The following PPM1G variants were observed in gnomAD, a reference collection of about 807,000 sequenced individuals.
PPM1G encodes protein phosphatase, Mg2+/Mn2+ dependent 1G.
Under a neutral mutation model 59.4 loss-of-function variants are expected in PPM1G, and 12 were observed. The ratio of observed to expected loss-of-function variants is 0.20; its 90% CI spans 0.13 to 0.33. The LOEUF (loss-of-function observed/expected upper bound fraction) is 0.33, where lower values mean the gene tolerates loss of function less well. PPM1G is among the 10% of genes least tolerant of loss of function. The pLI is 1.00. For missense variants in PPM1G, 392 were observed against 681.3 expected (o/e 0.58, Z 4.73); for synonymous variants, 245 against 251.9 (o/e 0.97, Z 0.26).
At chr2:27,392,850 G>A (rs760267219) in intron 1 of PPM1G, 18 of 1,474,430 alleles carry the variant, frequency 1.2e-5, no homozygotes, top group East Asian at 9.0e-5. Context: ...CGCCAGATTC[G>A]GGCGCTCCCA....
chr2:27,381,552 C>G lies in PPM1G; in HGVS notation c.*47G>C. On this transcript the variant is annotated 3_prime_UTR_variant, in exon 10 of 10. Transcript: ENST00000344034. ...AAAAGACAAAACTCAGTCTCAGGTC[C>G]GGAGGGCTCAGAAAACAGTCTAGGT... 1 of 1,607,346 alleles carries G rather than the reference C, an allele frequency of 6.2e-7. No homozygotes were observed. Among genetic ancestry groups the G allele is most frequent in the Non-Finnish European group, 8.5e-7 (1 of 1,174,036 alleles).
intron 1 of PPM1G, among the ~76,000 whole-genome samples, chr2:27,392,548 G>T (rs894258319): frequency 7.6e-6 from 1 of 132,052 alleles, no homozygotes; most frequent in East Asian, 2.3e-4. Flanking sequence ...TCCCGCCTCA[G>T]CCTCCCAAAG....
intron 1 of PPM1G, among the ~76,000 whole-genome samples, chr2:27,391,043 G>GATGGCT (rs1322750281): frequency 6.6e-6 from 1 of 152,242 alleles, no homozygotes; most frequent in Admixed American, 6.5e-5. Flanking sequence ...AGTATTCCAT[G>GATGGCT]ATGGCTATGT....
intron 1 of PPM1G, among the ~76,000 whole-genome samples, chr2:27,389,291 A>G (rs944906931): frequency 2.6e-5 from 4 of 152,178 alleles, no homozygotes. Context: ...CTGCTCTGAA[A>G]TTTAGCACCC....
chr2:27,381,477 G>T lies in PPM1G; in HGVS notation c.*122C>A. Reference sequence around the variant, plus strand: ...CCCTCTTTGGAATGGGCGGAGTGAAGCCACCCAGCTCCCCCTGCACACCTC... The same window carrying T: ...CCCTCTTTGGAATGGGCGGAGTGAATCCACCCAGCTCCCCCTGCACACCTC... On this transcript the variant is annotated 3_prime_UTR_variant, in exon 10 of 10. Coordinates refer to ENST00000344034, the MANE Select transcript of PPM1G (RefSeq NM_177983.3). 2 of 1,146,616 alleles carry T rather than the reference G, an allele frequency of 1.7e-6. No individual in the cohort carries two copies. The highest frequency in any genetic ancestry group is 2.6e-6 in the Non-Finnish European group (2 of 783,628). The allele number at this position is 1,146,616 out of a possible 1,614,324, so 71.0% of individuals were successfully genotyped here. A position where few individuals can be genotyped will look rare whatever the true frequency, so the allele number is the denominator to read the frequency against.
In PPM1G at chr2:27,385,114, C is replaced by T. The variant is rs759147805; in HGVS notation, c.410-26G>A. 2 of 1,549,736 alleles carry T rather than the reference C, an allele frequency of 1.3e-6. No homozygotes were observed. Among genetic ancestry groups the T allele is most frequent in the Non-Finnish European group, 1.7e-6 (2 of 1,151,890 alleles). ...CTGCAGGGAAGAGGCTAAATCAGAGCCCCCATGCCAGACTCCTCATGGGAT... is the reference window on the plus strand; with the variant it reads ...CTGCAGGGAAGAGGCTAAATCAGAGTCCCCATGCCAGACTCCTCATGGGAT... On this transcript the variant is annotated intron_variant, in intron 4 of 9. Transcript: ENST00000344034. The surrounding 1 kb of genome is among the most constrained non-coding windows in gnomAD (Gnocchi z 4.1).
In PPM1G at chr2:27,384,643, C is replaced by T; in HGVS notation, c.825+30G>A. On this transcript the variant is annotated intron_variant, in intron 5 of 9. Coordinates refer to ENST00000344034, the MANE Select transcript of PPM1G (RefSeq NM_177983.3). This position sits in a 1 kb window ranked among gnomAD's most constrained non-coding sequence, Gnocchi z 4.8. ...ACCAAACAGGACCTCTCTGCAACTT[C>T]AGCATCTGCCTGCCCTCACAGGCCC... is the stretch of plus-strand genomic sequence containing the variant. The T allele has an allele frequency of 6.4e-7, 1 of 1,566,436 alleles. No homozygotes were observed.
In PPM1G at chr2:27,392,277, G is replaced by GTTTGT. The variant is rs1270712039; in HGVS notation, c.121-5124_121-5120dup. Among the ~76,000 whole-genome samples the GTTTGT allele has an allele frequency of 1.3e-3, 134 of 99,758 alleles. 1 individual carries two copies. Among genetic ancestry groups the GTTTGT allele is most frequent in the African/African-American group, 5.7e-3 (127 of 22,276 alleles). The allele number at this position is 99,758 out of a possible 152,430, so 65.4% of individuals were successfully genotyped here. A position where few individuals can be genotyped will look rare whatever the true frequency, so the allele number is the denominator to read the frequency against. On this transcript the variant is annotated intron_variant, in intron 1 of 9. Coordinates refer to ENST00000344034, the MANE Select transcript of PPM1G (RefSeq NM_177983.3). ...GTTCCTGGATTACTTTGTTTTGTTGGTTTGTTTTGTTTTTTTTTTTTTTTT... is the reference window on the plus strand; with the variant it reads ...GTTCCTGGATTACTTTGTTTTGTTGGTTTGTTTTGTTTTGTTTTTTTTTTTTTTTT...
chr2:27,382,231 G>A lies in PPM1G; in HGVS notation c.1332-3C>T. On this transcript the variant is annotated splice_polypyrimidine_tract_variant and splice_region_variant and intron_variant, in intron 8 of 9. Transcript: ENST00000344034. The surrounding 1 kb of genome is among the most constrained non-coding windows in gnomAD (Gnocchi z 4.2). ...CTTCCTGGCTGCTCATCACATTCCT[G>A]GGGTCAAGAACAACAGTCAGAATCT... 6.2e-7 allele frequency: 1 copy of A among 1,613,616 alleles called. No homozygotes were observed. Among genetic ancestry groups the A allele is most frequent in the African/African-American group, 1.3e-5 (1 of 75,028 alleles).
At chr2:27,387,862 G>C (rs1294179833) in intron 1 of PPM1G, among the ~76,000 whole-genome samples, 1 of 151,966 alleles carries the variant, frequency 6.6e-6, no homozygotes, top group Non-Finnish European at 1.5e-5. Context: ...GCAGTGGTGC[G>C]ATCTCTGCTC....
chr2:27,400,095 C>T (rs1684147593), intron 1 of PPM1G, among the ~76,000 whole-genome samples: 1 of 151,970 alleles, frequency 6.6e-6, no homozygotes. Flanking sequence ...ACATTGATGA[C>T]CCTTAAAAAT....
Position 27,409,295 on chromosome 2 carries a change from C to T in PPM1G, c.120+8G>A, listed in dbSNP as rs769275143. 12 of 1,553,722 alleles carry T rather than the reference C, an allele frequency of 7.7e-6. No individual in the cohort carries two copies. Among genetic ancestry groups the T allele is most frequent in the Admixed American group, 1.9e-5 (1 of 53,108 alleles). The stretch of plus-strand genomic sequence containing the variant: ...CAGCGGCCAGCCTATGGGCCCCTGC[C>T]TCCTCACCTCCATGGAGACGCGCCA... On this transcript the variant is annotated splice_region_variant and intron_variant, in intron 1 of 9. Transcript: ENST00000344034.
chr2:27,409,551 G>T lies in PPM1G; in HGVS notation c.-129C>A. On this transcript the variant is annotated 5_prime_UTR_variant, in exon 1 of 10. Transcript: ENST00000344034. ...GACCGACGCAAGGTGCCGGTGAAAG[G>T]CGCGAGGCCGGCCAGGAGGCGGTAA... 1 of 1,213,288 alleles carries T rather than the reference G, an allele frequency of 8.2e-7. No individual in the cohort carries two copies. The allele number at this position is 1,213,288 out of a possible 1,614,324, so 75.2% of individuals were successfully genotyped here.
At position 27,404,336 on chromosome 2, in the gene PPM1G, AG is replaced by A. The variant is rs568214391; in HGVS notation, c.120+4966del. Among the ~76,000 whole-genome samples, 20 of 152,004 alleles carry A rather than the reference AG, an allele frequency of 1.3e-4. No individual in the cohort carries two copies. In the South Asian group the frequency reaches 4.2e-3, roughly 32 times the overall value. The stretch of plus-strand genomic sequence containing the variant: ...GCCGAGGCAGGTGGATCACAACGTC[AG>A]GAGTCTTGAGACCAGCCTGGCCAAC... On this transcript the variant is annotated intron_variant, in intron 1 of 9. Transcript: ENST00000344034.
chr2:27,392,760 G>A, intron 1 of PPM1G: 2 of 1,381,462 alleles, frequency 1.4e-6, no homozygotes, highest in South Asian at 2.3e-5. Flanking sequence ...TCACCCTATG[G>A]CTATGGGGAA....
chr2:27,387,683 T>C (rs758722025), intron 1 of PPM1G, among the ~76,000 whole-genome samples: 14 of 152,152 alleles, frequency 9.2e-5, no homozygotes, highest in Non-Finnish European at 1.9e-4. Flanking sequence ...GTATTTTTAG[T>C]AGAGATGGGG....
chr2:27,386,296 G>A lies in PPM1G; in HGVS notation c.191-17C>T. 1.3e-6 allele frequency: 2 copies of A among 1,567,462 alleles called. No individual in the cohort carries two copies. The highest frequency in any genetic ancestry group is 8.8e-7 in the Non-Finnish European group (1 of 1,137,918). ...CTTCCTCCCCTAGAAGGAAAGGAAG[G>A]AAGGTCACCTGGAGCACTGCTCCCC... On this transcript the variant is annotated splice_polypyrimidine_tract_variant and intron_variant, in intron 2 of 9. Transcript: ENST00000344034.
chr2:27,408,575 T>C (rs1219388924), intron 1 of PPM1G, among the ~76,000 whole-genome samples: 1 of 151,406 alleles, frequency 6.6e-6, no homozygotes, highest in Non-Finnish European at 1.5e-5. Flanking sequence ...TCAAAGAAAC[T>C]ATAAACTACA....
rs1683675055 is a variant in PPM1G, at chr2:27,382,983, G to A, written c.1202-378C>T. 6.6e-6 allele frequency among the ~76,000 whole-genome samples: 1 copy of A among 151,276 alleles called. No individual in the cohort carries two copies. The highest frequency in any genetic ancestry group is 1.5e-5 in the Non-Finnish European group (1 of 67,878). ...TGGGATTACAGGCTTGCACTACCAT[G>A]CCCAGCTAATTTTTGTATTTTTTTT... On this transcript the variant is annotated intron_variant, in intron 7 of 9. Transcript: ENST00000344034. This position sits in a 1 kb window ranked among gnomAD's most constrained non-coding sequence, Gnocchi z 4.2.
Sources: gnomAD v4.1 joint callset for allele counts (sites outside exome capture counted in the v4.1 genomes callset) on GRCh38, gnomAD v4.1.1 for gene constraint, Gnocchi (gnomAD v3.1) non-coding constraint, MANE v1.5 for transcripts, NCBI Gene and HGNC (gene_info 2026-07-23, HGNC 2026-07-21) for gene names.